IQCM: variants seen among roughly 807,000 people sequenced by gnomAD.
The protein encoded by IQCM is IQ motif containing M, also known as IQ domain-containing protein M.
IQCM carries 45 observed loss-of-function variants against 57.6 expected under a neutral mutation model. That is an observed-to-expected ratio of 0.78 (90% CI 0.62 to 1.00). The LOEUF (loss-of-function observed/expected upper bound fraction) is 1.00. Among genes scored for constraint, IQCM ranks in the 50% least tolerant of loss-of-function variants. The pLI, the probability that IQCM is intolerant of heterozygous loss-of-function variation, is 0.00. For synonymous variants in IQCM, 148 were observed against 158.9 expected (o/e 0.93, Z 0.51); for missense variants, 468 against 511.6 (o/e 0.91, Z 0.82).
In IQCM at chr4:149,640,991, G is replaced by A. The variant is rs193257237; in HGVS notation, c.566-19747C>T. On this transcript the variant is annotated intron_variant, in intron 7 of 13. Coordinates refer to ENST00000636793, the MANE Select transcript of IQCM (RefSeq NM_001363507.2). ...CCAAAAATACAAAAATTAGCCGAGC[G>A]TGGTGTTGCACACCTGTAGTCCCAG... Among the ~76,000 whole-genome samples, 147 of 152,212 alleles carry A rather than the reference G, an allele frequency of 9.7e-4. 1 individual carries two copies. Among genetic ancestry groups the A allele is most frequent in the African/African-American group, 3.2e-3 (133 of 41,536 alleles).
At chr4:149,445,074 C>A (rs1432226347) in intron 12 of IQCM, among the ~76,000 whole-genome samples, 3 of 151,772 alleles carry the variant, frequency 2.0e-5, no homozygotes, top group Non-Finnish European at 4.4e-5. Context: ...CATTATTTTC[C>A]TTTAACCCTG....
At chr4:149,809,496 A>G (rs1038910178) in intron 2 of IQCM, among the ~76,000 whole-genome samples, 2 of 152,258 alleles carry the variant, frequency 1.3e-5, no homozygotes, top group African/African-American at 4.8e-5. Context: ...TATTTTTGAA[A>G]ATAGTATTTG....
At chr4:149,708,735 T>A (rs1764342602) in intron 5 of IQCM, among the ~76,000 whole-genome samples, 1 of 152,066 alleles carries the variant, frequency 6.6e-6, no homozygotes, top group South Asian at 2.1e-4. Context: ...TTGACATACT[T>A]TCTCACCTTG....
intron 2 of IQCM, chr4:149,790,076 TCATCTGCAGCATCCTCAC>T (rs746087869): frequency 7.8e-5 from 48 of 618,824 alleles, no homozygotes; most frequent in Non-Finnish European, 1.2e-4. Context: ...ACCAGGAACT[TCATCTGCAGCATCCTCAC>T]CATTAAAAAA....
chr4:149,515,485 C>A (rs1159933852), intron 12 of IQCM, among the ~76,000 whole-genome samples: 1 of 152,204 alleles, frequency 6.6e-6, no homozygotes, highest in African/African-American at 2.4e-5. Context: ...TCTCCCTCAG[C>A]CTGCACCAAT....
At chr4:149,709,912 T>C (rs996614587) in intron 5 of IQCM, among the ~76,000 whole-genome samples, 17 of 152,108 alleles carry the variant, frequency 1.1e-4, no homozygotes, top group African/African-American at 3.9e-4. Flanking sequence ...TCTAGGAAGA[T>C]ATAAAATTCA....
chr4:149,639,165 G>A (rs1054632147), intron 7 of IQCM, among the ~76,000 whole-genome samples: 8 of 152,264 alleles, frequency 5.3e-5, no homozygotes, highest in East Asian at 1.9e-4. Context: ...AGGGGCTCAC[G>A]CCTATAATAC....
intron 13 of IQCM, among the ~76,000 whole-genome samples, chr4:149,419,822 G>C (rs1156543206): frequency 6.6e-6 from 1 of 152,084 alleles, no homozygotes; most frequent in African/African-American, 2.4e-5. Context: ...CTATTAAAAA[G>C]TGGGCAAAGG....
chr4:149,700,384 A>C (rs1048596706), intron 5 of IQCM, among the ~76,000 whole-genome samples: 2 of 151,712 alleles, frequency 1.3e-5, no homozygotes, highest in African/African-American at 2.4e-5. Flanking sequence ...GATGTCCTCA[A>C]ATGTAACTCT....
chr4:149,576,981 C>T (rs1751720354), intron 9 of IQCM, among the ~76,000 whole-genome samples: 1 of 151,856 alleles, frequency 6.6e-6, no homozygotes, highest in Non-Finnish European at 1.5e-5. Context: ...CATTTCTCCA[C>T]TGATTAGTGA....
chr4:149,760,173 T>G (rs1028212086), intron 2 of IQCM, among the ~76,000 whole-genome samples: 13 of 151,882 alleles, frequency 8.6e-5, no homozygotes, highest in Non-Finnish European at 1.5e-4. Context: ...GCCCAAACAT[T>G]CAAGAGCAGC....
At chr4:149,416,063 C>A in intron 13 of IQCM, among the ~76,000 whole-genome samples, 1 of 152,072 alleles carries the variant, frequency 6.6e-6, no homozygotes, top group Middle Eastern at 3.2e-3. Context: ...TTAAAAAAGC[C>A]TGTTAGTAGA....
At position 149,435,478 on chromosome 4, in the gene IQCM, A is replaced by G. The variant is rs560196392; in HGVS notation, c.1229-1921T>C. Among the ~76,000 whole-genome samples the G allele has an allele frequency of 3.9e-5, 6 of 151,968 alleles. No homozygotes were observed. In the South Asian group the frequency reaches 8.3e-4, roughly 21 times the overall value. Reference sequence around the variant, plus strand: ...ATGTACAGAACATGCAACTATTTACATTACATTTATTATCATAAATGGCTG... The same window carrying G: ...ATGTACAGAACATGCAACTATTTACGTTACATTTATTATCATAAATGGCTG... On this transcript the variant is annotated intron_variant, in intron 12 of 13. Transcript: ENST00000636793.
At chr4:149,593,849 T>C (rs913352935) in intron 8 of IQCM, among the ~76,000 whole-genome samples, 9 of 152,240 alleles carry the variant, frequency 5.9e-5, no homozygotes, top group African/African-American at 2.2e-4. Flanking sequence ...TGCTGCTGGA[T>C]TCGGTTTTTC....
At chr4:149,767,498 C>T (rs2149979399) in intron 2 of IQCM, among the ~76,000 whole-genome samples, 1 of 152,186 alleles carries the variant, frequency 6.6e-6, no homozygotes, top group East Asian at 1.9e-4. Context: ...TTCTTGCTGT[C>T]ATATTCAGCT....
chr4:149,623,758 TGTGCACAA>T (rs1211064086), intron 7 of IQCM, among the ~76,000 whole-genome samples: 2 of 150,144 alleles, frequency 1.3e-5, no homozygotes, highest in African/African-American at 5.0e-5. Flanking sequence ...TGTGTACACA[TGTGCACAA>T]GAGTAGGCTG....
chr4:149,615,402 T>C (rs893465287), intron 8 of IQCM, among the ~76,000 whole-genome samples: 1 of 152,176 alleles, frequency 6.6e-6, no homozygotes, highest in Non-Finnish European at 1.5e-5. Context: ...TCAGAGACCA[T>C]AAAAAGTAAT....
chr4:149,571,832 C>T lies in IQCM; in HGVS notation c.750-7942G>A, dbSNP rs149903689. ...CTGAACAAACTTACACAGTCACAAC[C>T]ATGCTTTATGAATGCATCTTGATCA... On this transcript the variant is annotated intron_variant, in intron 9 of 13. Coordinates refer to ENST00000636793, the MANE Select transcript of IQCM (RefSeq NM_001363507.2). Among the ~76,000 whole-genome samples, 66 of 152,096 alleles carry T rather than the reference C, an allele frequency of 4.3e-4. 1 individual carries two copies. The highest frequency in any genetic ancestry group is 1.5e-3 in the African/African-American group (62 of 41,524).
At chr4:149,771,978 T>C (rs1770628579) in intron 2 of IQCM, among the ~76,000 whole-genome samples, 1 of 152,160 alleles carries the variant, frequency 6.6e-6, no homozygotes, top group African/African-American at 2.4e-5. Context: ...CCTATTATCC[T>C]AGTTCTGTCC....
Sources: allele counts gnomAD v4.1 joint callset (sites outside exome capture counted in the v4.1 genomes callset), GRCh38; gene constraint gnomAD v4.1.1; transcripts MANE v1.5; gene names NCBI Gene and HGNC (gene_info 2026-07-23, HGNC 2026-07-21).